The following FAM174A variants were observed in gnomAD, a reference collection of about 807,000 sequenced individuals.
FAM174A encodes the protein membrane protein FAM174A.
In FAM174A, 14 loss-of-function variants were observed where a neutral mutation model predicts 14.3. The ratio of observed to expected loss-of-function variants is 0.98; its 90% CI spans 0.65 to 1.53. FAM174A has a LOEUF of 1.53. Among genes scored for constraint, FAM174A ranks in the 40% most tolerant of loss-of-function variants. FAM174A has a pLI of 0.00. For synonymous variants in FAM174A, 108 were observed against 111.4 expected, an observed-to-expected ratio of 0.97 and a Z score of 0.19; for missense variants, 241 against 249.6, an observed-to-expected ratio of 0.97 and a Z score of 0.23.
At chr5:100,558,321 G>A (rs1327690313) in intron 1 of FAM174A, among the ~76,000 whole-genome samples, 1 of 152,124 alleles carries the variant, frequency 6.6e-6, no homozygotes, top group Non-Finnish European at 1.5e-5. Context: ...TATAATTTCT[G>A]TTCTTTTACA....
intron 1 of FAM174A, among the ~76,000 whole-genome samples, chr5:100,556,704 A>G (rs573883068): frequency 2.2e-4 from 33 of 152,272 alleles, no homozygotes; most frequent in African/African-American, 7.5e-4. Context: ...CTTTGAAGCA[A>G]TTGTGAATGG....
At position 100,568,130 on chromosome 5, in the gene FAM174A, C is replaced by A. The variant is rs541795658; in HGVS notation, c.569+5942C>A. Among the ~76,000 whole-genome samples, 34 of 152,052 alleles carry A rather than the reference C, an allele frequency of 2.2e-4. No homozygotes were observed. In the South Asian group the frequency reaches 6.4e-3, roughly 29 times the overall value. ...AAACCTTCCCTTCTTCCTTGTCTAT[C>A]TATCATCAATATGTAATGATGATTT... On this transcript the variant is annotated intron_variant, in intron 2 of 2. Transcript: ENST00000312637.
chr5:100,552,742 G>GT (rs1196115960), intron 1 of FAM174A, among the ~76,000 whole-genome samples: 1 of 152,062 alleles, frequency 6.6e-6, no homozygotes, highest in East Asian at 1.9e-4. Flanking sequence ...AAGAGAAATA[G>GT]TTCTTACTAA....
At chr5:100,568,126 C>G (rs1158727732) in intron 2 of FAM174A, among the ~76,000 whole-genome samples, 1 of 151,910 alleles carries the variant, frequency 6.6e-6, no homozygotes, top group Non-Finnish European at 1.5e-5. Flanking sequence ...TCTTCCTTGT[C>G]TATCTATCAT....
chr5:100,550,488 A>G (rs1367387128), intron 1 of FAM174A, among the ~76,000 whole-genome samples: 1 of 152,114 alleles, frequency 6.6e-6, no homozygotes, highest in African/African-American at 2.4e-5. Context: ...TATATATTTT[A>G]CTCAATTAAT....
At chr5:100,570,072 T>C (rs2112393813) in intron 2 of FAM174A, among the ~76,000 whole-genome samples, 1 of 152,056 alleles carries the variant, frequency 6.6e-6, no homozygotes, top group South Asian at 2.1e-4. Context: ...ATATCAAACA[T>C]CATTTAAATT....
intron 1 of FAM174A, among the ~76,000 whole-genome samples, chr5:100,557,773 C>T (rs1238487995): frequency 3.0e-4 from 46 of 152,050 alleles, no homozygotes; most frequent in Admixed American, 1.3e-4. Context: ...GCCATGGGAT[C>T]GGTGGTCATA....
At chr5:100,557,426 G>T (rs978054955) in intron 1 of FAM174A, among the ~76,000 whole-genome samples, 17 of 152,046 alleles carry the variant, frequency 1.1e-4, no homozygotes, top group African/African-American at 4.1e-4. Context: ...GCCAGGCTTT[G>T]GTATCAGGAC....
chr5:100,581,520 A>C (rs1747016482), intron 2 of FAM174A: 1 of 275,652 alleles, frequency 3.6e-6, no homozygotes, highest in Non-Finnish European at 5.5e-6. Flanking sequence ...TGGGAGGCCA[A>C]GGTGGGCGGA....
chr5:100,556,952 T>C lies in FAM174A; in HGVS notation c.435-5102T>C, dbSNP rs551491838. On this transcript the variant is annotated intron_variant, in intron 1 of 2. Coordinates refer to ENST00000312637, the MANE Select transcript of FAM174A (RefSeq NM_198507.3). ...CCTTTATTTCTTTCTCCTGCCTGAT[T>C]GCCCTGACCAGAACTTCCAACACTA... 3.1e-3 allele frequency among the ~76,000 whole-genome samples: 478 copies of C among 152,310 alleles called. 1 individual carries two copies. The highest frequency in any genetic ancestry group is 0.011 in the African/African-American group (454 of 41,574).
intron 2 of FAM174A, among the ~76,000 whole-genome samples, chr5:100,574,272 T>C (rs1746856222): frequency 6.6e-6 from 1 of 152,124 alleles, no homozygotes; most frequent in Non-Finnish European, 1.5e-5. Flanking sequence ...CACTGCAACC[T>C]CTTTCTCCCA....
At chr5:100,576,613 T>A (rs1049602778) in intron 2 of FAM174A, among the ~76,000 whole-genome samples, 1 of 152,174 alleles carries the variant, frequency 6.6e-6, no homozygotes, top group African/African-American at 2.4e-5. Context: ...CCATGATTAG[T>A]TCAGACTTAC....
At chr5:100,552,334 T>C (rs1746280492) in intron 1 of FAM174A, among the ~76,000 whole-genome samples, 1 of 152,166 alleles carries the variant, frequency 6.6e-6, no homozygotes, top group South Asian at 2.1e-4. Flanking sequence ...AGATTATTAT[T>C]CACTGTTTCA....
intron 1 of FAM174A, among the ~76,000 whole-genome samples, 191 bp from the exon 2 acceptor site, chr5:100,561,863 A>G (rs894271787): frequency 6.6e-6 from 1 of 151,910 alleles, no homozygotes; most frequent in Non-Finnish European, 1.5e-5. Context: ...AGGCGATGGC[A>G]CATAAACATG....
chr5:100,574,259 G>T (rs1746855929), intron 2 of FAM174A, among the ~76,000 whole-genome samples: 1 of 151,972 alleles, frequency 6.6e-6, no homozygotes, highest in African/African-American at 2.4e-5. Context: ...CACTATCTCG[G>T]CTCACTGCAA....
chr5:100,555,575 T>A (rs1356838687), intron 1 of FAM174A, among the ~76,000 whole-genome samples: 1 of 151,918 alleles, frequency 6.6e-6, no homozygotes, highest in Non-Finnish European at 1.5e-5. Context: ...TTTCTCCACA[T>A]CCTCTCTAGC....
At chr5:100,565,158 C>T (rs1172795554) in intron 2 of FAM174A, among the ~76,000 whole-genome samples, 1 of 151,774 alleles carries the variant, frequency 6.6e-6, no homozygotes, top group Non-Finnish European at 1.5e-5. Flanking sequence ...AATGATGATA[C>T]ACCATGATTA....
chr5:100,543,515 A>G (rs953534369), intron 1 of FAM174A, among the ~76,000 whole-genome samples: 3 of 152,310 alleles, frequency 2.0e-5, no homozygotes, highest in African/African-American at 4.8e-5. Context: ...AGAAAGTTCT[A>G]TTGGGTAGCA....
intron 2 of FAM174A, among the ~76,000 whole-genome samples, chr5:100,583,696 G>T (rs1747063856): frequency 6.7e-6 from 1 of 149,686 alleles, no homozygotes; most frequent in Non-Finnish European, 1.5e-5. Flanking sequence ...TGGCTCTATT[G>T]TAAATCCTGT....
Sources: allele counts gnomAD v4.1 joint callset (sites outside exome capture counted in the v4.1 genomes callset), GRCh38; gene constraint gnomAD v4.1.1; transcripts MANE v1.5; gene names NCBI Gene and HGNC (gene_info 2026-07-23, HGNC 2026-07-21).